Variants in PELI2 observed in about 807,000 individuals in gnomAD.
PELI2 encodes pellino E3 ubiquitin protein ligase family member 2.
PELI2 carries 23 observed loss-of-function variants against 42.3 expected under a neutral mutation model. The observed-to-expected ratio is 0.54, with a 90% CI of 0.39 to 0.77. PELI2 has a LOEUF of 0.77. Ranked by LOEUF, PELI2 falls within the 30% of genes least tolerant of loss-of-function variation. PELI2 has a pLI of 0.00. For missense variants in PELI2, 463 were observed against 553.2 expected (o/e 0.84, Z 1.64); for synonymous variants, 245 against 212.2 (o/e 1.15, Z -1.34).
At chr14:56,251,595 T>A (rs925126518) in intron 2 of PELI2, among the ~76,000 whole-genome samples, 1 of 152,204 alleles carries the variant, frequency 6.6e-6, no homozygotes, top group African/African-American at 2.4e-5. Flanking sequence ...TGGTATGTAG[T>A]GCACTTGTAA....
chr14:56,164,967 GTT>G (rs35554850), intron 1 of PELI2, among the ~76,000 whole-genome samples: 1 of 145,096 alleles, frequency 6.9e-6, no homozygotes, highest in East Asian at 2.0e-4. Flanking sequence ...AATTTTGTTG[GTT>G]TTTTTTTTTC....
chr14:56,178,586 C>A, intron 2 of PELI2, 122 bp downstream of exon 2: 1 of 1,102,636 alleles, frequency 9.1e-7, no homozygotes, highest in Non-Finnish European at 1.3e-6. Flanking sequence ...CCATTTGAGG[C>A]TGGATAATGC....
intron 2 of PELI2, among the ~76,000 whole-genome samples, chr14:56,238,397 TC>T (rs1230822223): frequency 6.6e-6 from 1 of 152,222 alleles, no homozygotes; most frequent in African/African-American, 2.4e-5. Context: ...ATTTCAGTCT[TC>T]CAGTAATACA....
At chr14:56,171,430 C>T (rs1024662442) in intron 1 of PELI2, among the ~76,000 whole-genome samples, 6 of 152,212 alleles carry the variant, frequency 3.9e-5, no homozygotes, top group African/African-American at 1.4e-4. Context: ...GTCTTTAGAA[C>T]TGTAAGAAAG....
chr14:56,119,605 C>A (rs556531893), intron 1 of PELI2: 1 of 187,428 alleles, frequency 5.3e-6, no homozygotes, highest in African/African-American at 2.4e-5. Context: ...TCATCTACTT[C>A]CTGAGTTTCC....
At chr14:56,227,189 G>A (rs952721902) in intron 2 of PELI2, among the ~76,000 whole-genome samples, 7 of 152,258 alleles carry the variant, frequency 4.6e-5, no homozygotes, top group Non-Finnish European at 1.0e-4. Context: ...AACTGTGTGT[G>A]TGGGGAGCGG....
chr14:56,150,050 A>G (rs1478118716), intron 1 of PELI2, among the ~76,000 whole-genome samples: 1 of 152,218 alleles, frequency 6.6e-6, no homozygotes, highest in Non-Finnish European at 1.5e-5. Flanking sequence ...TAAGAGGAAA[A>G]CGTTAATAAC....
rs116716476 is a variant in PELI2 at position 56,203,879 on chromosome 14, C to A, written c.207+25415C>A. 7.6e-3 allele frequency among the ~76,000 whole-genome samples: 1,161 copies of A among 152,242 alleles called. 12 individuals are homozygous for A. The highest frequency in any genetic ancestry group is 0.027 in the African/African-American group (1,118 of 41,524). On this transcript the variant is annotated intron_variant, in intron 2 of 5. Transcript: ENST00000267460. Reference sequence around the variant, plus strand: ...TGACTTTTCAGCTGAGTCTCTCACCCATAAAAAGATTAGGATTTAACTGTT... The same window carrying A: ...TGACTTTTCAGCTGAGTCTCTCACCAATAAAAAGATTAGGATTTAACTGTT...
chr14:56,201,760 A>C (rs4901645), intron 2 of PELI2, among the ~76,000 whole-genome samples: 2 of 151,690 alleles, frequency 1.3e-5, no homozygotes, highest in South Asian at 4.2e-4. Context: ...TCAGCAAGCT[A>C]ACTATGTACA....
At chr14:56,149,575 G>T (rs1303375128) in intron 1 of PELI2, among the ~76,000 whole-genome samples, 1 of 152,004 alleles carries the variant, frequency 6.6e-6, no homozygotes, top group Non-Finnish European at 1.5e-5. Context: ...CAGTTTCCTT[G>T]GAGATTGGAG....
rs908372549 is a variant in PELI2, at chr14:56,219,889, G to A, written c.207+41425G>A. Among the ~76,000 whole-genome samples, 1 of 152,166 alleles carries A rather than the reference G, an allele frequency of 6.6e-6. No individual in the cohort carries two copies. Among genetic ancestry groups the A allele is most frequent in the African/African-American group, 2.4e-5 (1 of 41,428 alleles). Reference sequence around the variant, plus strand: ...GTCCCTTGTTATGTCTTTAATGGATGCAGCCTCCTTAAAACAGCTCAGGAT... The same window carrying A: ...GTCCCTTGTTATGTCTTTAATGGATACAGCCTCCTTAAAACAGCTCAGGAT... On this transcript the variant is annotated intron_variant, in intron 2 of 5. Coordinates refer to ENST00000267460, the MANE Select transcript of PELI2 (RefSeq NM_021255.3). This position sits in a 1 kb window ranked among gnomAD's most constrained non-coding sequence, Gnocchi z 4.1.
intron 1 of PELI2, among the ~76,000 whole-genome samples, chr14:56,154,642 C>T (rs965478755): frequency 2.0e-5 from 3 of 152,150 alleles, no homozygotes; most frequent in South Asian, 4.1e-4. Flanking sequence ...TTCTTTATAG[C>T]GGTTTGAAAA....
At chr14:56,267,348 A>G (rs1362305948) in intron 2 of PELI2, among the ~76,000 whole-genome samples, 1 of 152,122 alleles carries the variant, frequency 6.6e-6, no homozygotes, top group Admixed American at 6.6e-5. Flanking sequence ...TTTTCAGATT[A>G]AGAAATAGAT....
At chr14:56,270,878 C>T (rs1373578638) in intron 2 of PELI2, among the ~76,000 whole-genome samples, 2 of 152,070 alleles carry the variant, frequency 1.3e-5, no homozygotes, top group Non-Finnish European at 2.9e-5. Context: ...AGTCCACTAG[C>T]CAAGTTGATC....
intron 2 of PELI2, among the ~76,000 whole-genome samples, chr14:56,241,906 A>G (rs994704599): frequency 6.6e-6 from 1 of 152,218 alleles, no homozygotes; most frequent in African/African-American, 2.4e-5. Flanking sequence ...TTTAGCTGCT[A>G]TAAGGATACA....
chr14:56,211,456 G>A (rs972457984), intron 2 of PELI2, among the ~76,000 whole-genome samples: 3 of 152,126 alleles, frequency 2.0e-5, no homozygotes, highest in Admixed American at 6.5e-5. Context: ...ATGCTCACAG[G>A]GTGCTCAGTG....
At position 56,259,442 on chromosome 14, in the gene PELI2, G is replaced by A. The variant is rs552812146; in HGVS notation, c.208-20234G>A. 6.0e-4 allele frequency among the ~76,000 whole-genome samples: 92 copies of A among 152,234 alleles called. No homozygotes were observed. The Middle Eastern group carries it at 0.01, about 17-fold the overall frequency. The stretch of plus-strand genomic sequence containing the variant: ...TGACAGCAGCATCAAGGACAAGAGA[G>A]AGGAGACCATAAGATTCTTGTATTG... On this transcript the variant is annotated intron_variant, in intron 2 of 5. Transcript: ENST00000267460.
intron 2 of PELI2, among the ~76,000 whole-genome samples, chr14:56,272,233 A>G (rs993600182): frequency 1.3e-5 from 2 of 152,252 alleles, no homozygotes; most frequent in African/African-American, 4.8e-5. Flanking sequence ...CAAGAGGGAT[A>G]TTAAACTCCT....
In PELI2 at chr14:56,119,870, T is replaced by A. The variant is rs376923299; in HGVS notation, c.77+1133T>A. The A allele has an allele frequency of 5.4e-5, 53 of 984,102 alleles. 4 individuals are homozygous for A. In the Admixed American group the frequency reaches 8.6e-4, roughly 16 times the overall value. The allele number at this position is 984,102 out of a possible 1,614,324, so 61.0% of individuals were successfully genotyped here. ...CATCCTCGGCGCTGATAGGTAGGCT[T>A]AGCACACATATGAGGAGTCATGGCT... is the stretch of plus-strand genomic sequence containing the variant. On this transcript the variant is annotated intron_variant, in intron 1 of 5. Coordinates refer to ENST00000267460, the MANE Select transcript of PELI2 (RefSeq NM_021255.3).
Sources: allele counts gnomAD v4.1 joint callset (sites outside exome capture counted in the v4.1 genomes callset), GRCh38; gene constraint gnomAD v4.1.1; non-coding constraint Gnocchi (gnomAD v3.1); transcripts MANE v1.5; gene names NCBI Gene and HGNC (gene_info 2026-07-23, HGNC 2026-07-21).